Variants in ANTXR1 observed in about 807,000 individuals in gnomAD.
ANTXR1 encodes ANTXR cell adhesion molecule 1, also known as anthrax toxin receptor 1.
A neutral mutation model predicts 78.1 loss-of-function variants in ANTXR1; 19 were observed. The ratio of observed to expected loss-of-function variants is 0.24; its 90% CI spans 0.17 to 0.36. The LOEUF (loss-of-function observed/expected upper bound fraction) is 0.36. Among genes scored for constraint, ANTXR1 ranks in the 10% least tolerant of loss-of-function variants. The pLI, the probability that ANTXR1 is intolerant of heterozygous loss-of-function variation, is 1.00. For synonymous variants in ANTXR1, 273 were observed against 260.5 expected (o/e 1.05, Z -0.46); for missense variants, 518 against 718.6 (o/e 0.72, Z 3.19).
At chr2:69,159,615 A>G (rs1172068718) in intron 13 of ANTXR1, among the ~76,000 whole-genome samples, 2 of 152,202 alleles carry the variant, frequency 1.3e-5, no homozygotes, top group Non-Finnish European at 2.9e-5. Flanking sequence ...ATTTAGGTCA[A>G]ATCAAATCAC....
intron 3 of ANTXR1, among the ~76,000 whole-genome samples, chr2:69,059,427 T>C (rs570938591): frequency 6.6e-6 from 1 of 151,986 alleles, no homozygotes; most frequent in South Asian, 2.1e-4. Context: ...CACTGAAGGC[T>C]CAGATGATCA....
chr2:69,198,917 A>C (rs1269457658), intron 17 of ANTXR1, among the ~76,000 whole-genome samples: 5 of 152,234 alleles, frequency 3.3e-5, no homozygotes, highest in African/African-American at 1.2e-4. Context: ...GGATGTATTA[A>C]TAGAAAGTGA....
chr2:69,017,586 T>C (rs1221230481), intron 1 of ANTXR1, among the ~76,000 whole-genome samples: 1 of 152,200 alleles, frequency 6.6e-6, no homozygotes, highest in Non-Finnish European at 1.5e-5. Flanking sequence ...GACTTCATAA[T>C]GATAACCTAG....
At chr2:69,218,424 T>C (rs1033479943) in intron 17 of ANTXR1, among the ~76,000 whole-genome samples, 6 of 152,228 alleles carry the variant, frequency 3.9e-5, no homozygotes, top group Non-Finnish European at 7.3e-5. Flanking sequence ...GGAGATTTCA[T>C]TGTGTTGTCG....
intron 10 of ANTXR1, among the ~76,000 whole-genome samples, chr2:69,106,207 A>G (rs1671805011): frequency 6.6e-6 from 1 of 152,236 alleles, no homozygotes; most frequent in Non-Finnish European, 1.5e-5. Context: ...GCATAACCAG[A>G]AGATAGGTTA....
At chr2:69,135,674 A>G (rs557532306) in intron 12 of ANTXR1, among the ~76,000 whole-genome samples, 1 of 152,262 alleles carries the variant, frequency 6.6e-6, no homozygotes, top group East Asian at 1.9e-4. Context: ...AGGAACAGTT[A>G]ACCTGGAAGT....
intron 12 of ANTXR1, among the ~76,000 whole-genome samples, chr2:69,131,955 G>A (rs1672761418): frequency 6.6e-6 from 1 of 152,218 alleles, no homozygotes; most frequent in Non-Finnish European, 1.5e-5. Context: ...GCTCCAGTAG[G>A]AGCAGACCCC....
Position 69,245,759 on chromosome 2 carries a change from G to T in ANTXR1, c.*274G>T. 2.3e-6 allele frequency: 1 copy of T among 434,504 alleles called. No individual in the cohort carries two copies. The highest frequency in any genetic ancestry group is 4.1e-6 in the Non-Finnish European group (1 of 243,554). 26.9% of individuals were successfully genotyped at this position (434,504 alleles called of 1,614,324 possible). On this transcript the variant is annotated 3_prime_UTR_variant, in exon 18 of 18. Coordinates refer to ENST00000303714, the MANE Select transcript of ANTXR1 (RefSeq NM_032208.3). ...TCCAGAGACAGTGAAACTGCAAGAT[G>T]CTCTCAACAGGATTATGTCTCATGG...
At chr2:69,077,555 C>A in intron 8 of ANTXR1, 67 bp downstream of exon 8, 1 of 1,504,980 alleles carries the variant, frequency 6.6e-7, no homozygotes, top group Non-Finnish European at 9.2e-7. Flanking sequence ...GCTATTAATA[C>A]CCCAATTCCA....
intron 10 of ANTXR1, among the ~76,000 whole-genome samples, chr2:69,118,893 G>T (rs530560911): frequency 2.4e-4 from 36 of 152,152 alleles, no homozygotes; most frequent in Non-Finnish European, 4.9e-4. Context: ...ATGAAAACAG[G>T]CTCCAAACCA....
chr2:69,196,534 T>C (rs2104479840), intron 17 of ANTXR1, among the ~76,000 whole-genome samples: 1 of 152,294 alleles, frequency 6.6e-6, no homozygotes, highest in Non-Finnish European at 1.5e-5. Context: ...GGGGCAATAT[T>C]GTAGCTCTGT....
chr2:69,013,452 C>T lies in ANTXR1; in HGVS notation c.-48C>T, dbSNP rs371626962. The T allele has an allele frequency of 3.2e-6, 5 of 1,575,688 alleles. No homozygotes were observed. The highest frequency in any genetic ancestry group is 1.2e-5 in the South Asian group (1 of 85,796). On this transcript the variant is annotated 5_prime_UTR_variant, in exon 1 of 18. Coordinates refer to ENST00000303714, the MANE Select transcript of ANTXR1 (RefSeq NM_032208.3). The surrounding 1 kb of genome is among the most constrained non-coding windows in gnomAD (Gnocchi z 5.0). ...GCGTCCCTGAGGGTCGTGGCGAGTT[C>T]GCGGAGCGTGGGAAGGAGCGGACCC...
chr2:69,237,640 C>CT (rs1174975962), intron 17 of ANTXR1, among the ~76,000 whole-genome samples: 11 of 152,164 alleles, frequency 7.2e-5, no homozygotes, highest in African/African-American at 2.4e-4. Flanking sequence ...AGGCTGGTCT[C>CT]TAACTCCTGG....
chr2:69,082,372 A>AAATTAC (rs1202465340), intron 8 of ANTXR1, among the ~76,000 whole-genome samples: 1 of 151,932 alleles, frequency 6.6e-6, no homozygotes, highest in Non-Finnish European at 1.5e-5. Flanking sequence ...TATGGTGATA[A>AAATTAC]AATTACAAGA....
chr2:69,045,852 C>G (rs1669751632), intron 3 of ANTXR1, among the ~76,000 whole-genome samples: 1 of 152,044 alleles, frequency 6.6e-6, no homozygotes, highest in Non-Finnish European at 1.5e-5. Flanking sequence ...GTTTCTGATC[C>G]CTTATTAACA....
intron 12 of ANTXR1, among the ~76,000 whole-genome samples, chr2:69,125,516 G>T (rs1393556157): frequency 6.6e-6 from 1 of 152,120 alleles, no homozygotes; most frequent in South Asian, 2.1e-4. Flanking sequence ...GCCTGTCAGG[G>T]GGCAGTCAGG....
chr2:69,170,096 G>A (rs908354741), intron 13 of ANTXR1, 152 bp from the exon 14 acceptor site: 8 of 779,712 alleles, frequency 1.0e-5, no homozygotes, highest in Non-Finnish European at 1.8e-5. Context: ...GTCCAGCAAA[G>A]ACACCTCTCA....
intron 12 of ANTXR1, among the ~76,000 whole-genome samples, chr2:69,142,242 C>T (rs917734919): frequency 5.3e-5 from 8 of 152,308 alleles, no homozygotes; most frequent in Non-Finnish European, 8.8e-5. Flanking sequence ...TAGGCTCCAA[C>T]GCCATTCCTG....
chr2:69,045,510 C>T (rs1669737101), intron 3 of ANTXR1, among the ~76,000 whole-genome samples: 1 of 151,990 alleles, frequency 6.6e-6, no homozygotes, highest in African/African-American at 2.4e-5. Context: ...AGATGGCCCA[C>T]ATGAGAGAAG....
Sources: allele counts gnomAD v4.1 joint callset (sites outside exome capture counted in the v4.1 genomes callset), GRCh38; gene constraint gnomAD v4.1.1; non-coding constraint Gnocchi (gnomAD v3.1); transcripts MANE v1.5; gene names NCBI Gene and HGNC (gene_info 2026-07-23, HGNC 2026-07-21).